Variants in CCT8 observed in about 807,000 individuals in gnomAD.
The protein encoded by CCT8 is chaperonin containing TCP1 subunit 8.
Under a neutral mutation model 65.7 loss-of-function variants are expected in CCT8, and 10 were observed. The observed-to-expected ratio is 0.15, with a 90% CI of 0.09 to 0.26. The LOEUF (loss-of-function observed/expected upper bound fraction) is 0.26, where lower values mean the gene tolerates loss of function less well. CCT8 is among the 10% of genes least tolerant of loss of function. The probability of loss-of-function intolerance (pLI) is 1.00; values close to 1 mark genes in which losing one functional copy is unlikely to be tolerated. For synonymous variants in CCT8, 199 were observed against 221.8 expected, an observed-to-expected ratio of 0.90 and a Z score of 0.92; for missense variants, 568 against 669.1, an observed-to-expected ratio of 0.85 and a Z score of 1.67.
In CCT8 at chr21:29,063,401, C is replaced by T. The variant is rs368757807; in HGVS notation, c.892G>A (p.Ala298Thr). 30 of 1,613,954 alleles carry T rather than the reference C, an allele frequency of 1.9e-5. No individual in the cohort carries two copies. The highest frequency in any genetic ancestry group is 2.5e-5 in the Non-Finnish European group (29 of 1,179,970). Residue 298 changes from alanine to threonine, a missense_variant, in exon 8 of 15, where the codon GCA (alanine) becomes ACA (threonine). Coordinates refer to ENST00000286788, the MANE Select transcript of CCT8 (RefSeq NM_006585.4). ...ANVVVTGGKV[A>T]DMALHYANKY... ...TTTGCATAATGAAGAGCCATGTCTGCCACTTTGCCACCTGTTACTACGACA... is the reference window on the plus strand; with the variant it reads ...TTTGCATAATGAAGAGCCATGTCTGTCACTTTGCCACCTGTTACTACGACA...
chr21:29,063,221 CCTT>C (rs2085583210), intron 8 of CCT8, 128 bp downstream of exon 8: 2 of 669,514 alleles, frequency 3.0e-6, no homozygotes, highest in Non-Finnish European at 5.0e-6. Context: ...CAAACTAAAT[CCTT>C]CTGCTATTTG....
intron 1 of CCT8, among the ~76,000 whole-genome samples, chr21:29,072,851 T>C (rs988045503): frequency 1.3e-5 from 2 of 152,208 alleles, no homozygotes; most frequent in East Asian, 1.9e-4. Flanking sequence ...CACCCCTCTA[T>C]CACTTATCCT....
chr21:29,069,057 A>C (rs1034319184), intron 3 of CCT8, among the ~76,000 whole-genome samples: 15 of 152,170 alleles, frequency 9.9e-5, no homozygotes, highest in African/African-American at 3.6e-4. Flanking sequence ...TTATTTTCAC[A>C]AAACCAAATG....
At chr21:29,056,652 T>C (rs2085502022) in intron 14 of CCT8, 100 bp from the exon 15 acceptor site, 1 of 671,900 alleles carries the variant, frequency 1.5e-6, no homozygotes, top group Non-Finnish European at 2.3e-6. Context: ...GCAGTCTTCT[T>C]GGTATAATTA....
At chr21:29,069,007 C>T (rs1202733445) in intron 3 of CCT8, among the ~76,000 whole-genome samples, 1 of 152,178 alleles carries the variant, frequency 6.6e-6, no homozygotes, top group Admixed American at 6.5e-5. Context: ...AATAGTAAAA[C>T]TAAAGCTGAA....
chr21:29,073,139 A>C, intron 1 of CCT8: 1 of 383,638 alleles, frequency 2.6e-6, no homozygotes, highest in Non-Finnish European at 3.7e-6. Flanking sequence ...CTCGCGAGCT[A>C]TGTGATAATC....
At position 29,060,589 on chromosome 21, in the gene CCT8, A is replaced by G. The variant is rs750949108; in HGVS notation, c.1521T>C (p.Ala507=). 2.5e-6 allele frequency: 4 copies of G among 1,613,770 alleles called. No individual in the cohort carries two copies. Among genetic ancestry groups the G allele is most frequent in the South Asian group, 2.2e-5 (2 of 91,074 alleles). Residue 507 remains alanine, a synonymous_variant, in exon 14 of 15, where the codon GCT becomes GCC. Coordinates refer to ENST00000286788, the MANE Select transcript of CCT8 (RefSeq NM_006585.4). ...ILDTYLGKYW[A]IKLATNAAVT... ...CTGCAGCATTAGTAGCGAGTTTGATAGCCCAATATTTTCCCAGGTAAGTAT... is the reference window on the plus strand; with the variant it reads ...CTGCAGCATTAGTAGCGAGTTTGATGGCCCAATATTTTCCCAGGTAAGTAT...
At chr21:29,073,019 CTAAGCTGAAAGCCG>C (rs1489632100) in intron 1 of CCT8, among the ~76,000 whole-genome samples, 4 of 152,340 alleles carry the variant, frequency 2.6e-5, no homozygotes, top group African/African-American at 9.6e-5. Context: ...CTTCTGTCAA[CTAAGCTGAAAGCCG>C]TATGTTTCTC....
chr21:29,058,452 G>A lies in CCT8; in HGVS notation c.1570-1900C>T, dbSNP rs910915321. 3.3e-5 allele frequency among the ~76,000 whole-genome samples: 5 copies of A among 151,930 alleles called. No individual in the cohort carries two copies. The East Asian group carries it at 9.7e-4, about 29-fold the overall frequency. On this transcript the variant is annotated intron_variant, in intron 14 of 14. Coordinates refer to ENST00000286788, the MANE Select transcript of CCT8 (RefSeq NM_006585.4). ...AAGACTCCATCTCAAAGAAAAAAAA[G>A]AAACAAACACTAAAACAAGTAGTTC...
At position 29,070,342 on chromosome 21, in the gene CCT8, TAA is replaced by T. The variant is rs535092092; in HGVS notation, c.61-7_61-6del. Reference sequence around the variant, plus strand: ...CTCTTCTAATCCTGAAAAGTGCTGTTAAAAAAAACAAACAAAAAACCCCGCTA... The same window carrying T: ...CTCTTCTAATCCTGAAAAGTGCTGTTAAAAAACAAACAAAAAACCCCGCTA... On this transcript the variant is annotated splice_polypyrimidine_tract_variant and splice_region_variant and intron_variant, in intron 1 of 14. Transcript: ENST00000286788. 104 of 1,590,586 alleles carry T rather than the reference TAA, an allele frequency of 6.5e-5. No individual in the cohort carries two copies. The highest frequency in any genetic ancestry group is 8.8e-5 in the Non-Finnish European group (103 of 1,167,362).
chr21:29,069,629 C>T, intron 2 of CCT8, 127 bp from the exon 3 acceptor site: 1 of 541,918 alleles, frequency 1.8e-6, no homozygotes. Context: ...TGCAAGAAAA[C>T]ACATACTATC....
chr21:29,066,416 T>C (rs2146435013), intron 6 of CCT8, among the ~76,000 whole-genome samples: 1 of 152,188 alleles, frequency 6.6e-6, no homozygotes, highest in African/African-American at 2.4e-5. Context: ...GGCGCATGCC[T>C]GTAATCCCAG....
intron 6 of CCT8, among the ~76,000 whole-genome samples, chr21:29,066,339 G>A (rs1403721589): frequency 3.9e-5 from 6 of 152,064 alleles, no homozygotes; most frequent in Non-Finnish European, 5.9e-5. Context: ...TCGGGAGTTC[G>A]AGACCAGCCT....
chr21:29,070,233 A>C lies in CCT8; in HGVS notation c.151+14T>G. The C allele has an allele frequency of 6.6e-7, 1 of 1,511,028 alleles. No homozygotes were observed. The highest frequency in any genetic ancestry group is 9.1e-7 in the Non-Finnish European group (1 of 1,093,332). The allele number at this position is 1,511,028 out of a possible 1,614,324, so 93.6% of individuals were successfully genotyped here. A position where few individuals can be genotyped will look rare whatever the true frequency, so the allele number is the denominator to read the frequency against. On this transcript the variant is annotated intron_variant, in intron 2 of 14. Transcript: ENST00000286788. ...CTACTACTGTATCTTTACAAATATTAATTTAGAAATTACCATTTGGTCCAT... is the reference window on the plus strand; with the variant it reads ...CTACTACTGTATCTTTACAAATATTCATTTAGAAATTACCATTTGGTCCAT...
Position 29,067,086 on chromosome 21 carries a change from AC to A in CCT8, c.382-16del. 1 of 1,582,268 alleles carries A rather than the reference AC, an allele frequency of 6.3e-7. No individual in the cohort carries two copies. Among genetic ancestry groups the A allele is most frequent in the Non-Finnish European group, 8.6e-7 (1 of 1,160,844 alleles). ...CCTTCTATGACCTAAAACATAAACA[AC>A]ATTTCCTATTCTGACATGACTTAAA... On this transcript the variant is annotated splice_polypyrimidine_tract_variant and intron_variant, in intron 4 of 14. Coordinates refer to ENST00000286788, the MANE Select transcript of CCT8 (RefSeq NM_006585.4).
In CCT8 at chr21:29,070,193, G is replaced by A. The variant is rs757493901; in HGVS notation, c.151+54C>T. The A allele has an allele frequency of 1.4e-5, 15 of 1,083,690 alleles. 1 individual carries two copies. The highest frequency in any genetic ancestry group is 2.9e-5 in the South Asian group (2 of 69,980). The allele number at this position is 1,083,690 out of a possible 1,614,324, so 67.1% of individuals were successfully genotyped here. A position where few individuals can be genotyped will look rare whatever the true frequency, so the allele number is the denominator to read the frequency against. On this transcript the variant is annotated intron_variant, in intron 2 of 14. Transcript: ENST00000286788. ...CCTCAGAACAAGTCTGAAAGAAGAC[G>A]TAGTACACAATATTCTACTACTGTA...
intron 4 of CCT8, 92 bp downstream of exon 4, chr21:29,067,464 C>T (rs2085636506): frequency 5.0e-6 from 5 of 997,196 alleles, no homozygotes; most frequent in Non-Finnish European, 6.9e-6. Context: ...TGCATGTTAG[C>T]TACTACTATA....
intron 9 of CCT8, 21 bp from the exon 10 acceptor site, chr21:29,062,436 T>G (rs748693987): frequency 2.5e-6 from 4 of 1,611,226 alleles, no homozygotes; most frequent in Non-Finnish European, 3.4e-6. Flanking sequence ...GTGACTGTTG[T>G]AATAAAAATT....
At chr21:29,058,938 G>T (rs952815507) in intron 14 of CCT8, among the ~76,000 whole-genome samples, 2 of 151,998 alleles carry the variant, frequency 1.3e-5, no homozygotes, top group African/African-American at 4.8e-5. Flanking sequence ...TTAAAAGATG[G>T]AGTGTCACTC....
Sources: gnomAD v4.1 joint callset for allele counts (sites outside exome capture counted in the v4.1 genomes callset) on GRCh38, gnomAD v4.1.1 for gene constraint, MANE v1.5 for transcripts, NCBI Gene and HGNC (gene_info 2026-07-23, HGNC 2026-07-21) for gene names.